The following FOXP2 variants were observed in gnomAD, a reference collection of about 807,000 sequenced individuals.
FOXP2 encodes forkhead box protein P2.
In FOXP2, 12 loss-of-function variants were observed where a neutral mutation model predicts 115.8. The ratio of observed to expected loss-of-function variants is 0.10; its 90% CI spans 0.07 to 0.17. The LOEUF is 0.17. Ranked by LOEUF, FOXP2 falls within the 10% of genes least tolerant of loss-of-function variation. FOXP2 has a pLI of 1.00. For missense variants in FOXP2, 629 were observed against 843.5 expected (o/e 0.75, Z 3.15); for synonymous variants, 328 against 297.7 (o/e 1.10, Z -1.05).
intron 1 of FOXP2, among the ~76,000 whole-genome samples, chr7:114,192,637 A>G (rs1462812895): frequency 6.6e-6 from 1 of 152,230 alleles, no homozygotes; most frequent in African/African-American, 2.4e-5. Flanking sequence ...AGCAGTGTAT[A>G]TTGCAATCAG....
chr7:114,190,919 G>A (rs1013498783), intron 1 of FOXP2, among the ~76,000 whole-genome samples: 3 of 152,122 alleles, frequency 2.0e-5, no homozygotes, highest in African/African-American at 7.2e-5. Context: ...AGTAGGTAGA[G>A]GGAGCAGGAA....
At chr7:114,284,601 G>A (rs1377066667) in intron 1 of FOXP2, among the ~76,000 whole-genome samples, 7 of 152,204 alleles carry the variant, frequency 4.6e-5, no homozygotes, top group South Asian at 2.1e-4. Flanking sequence ...ATGCTTATAC[G>A]TTGTTGGTGG....
intron 16 of FOXP2, among the ~76,000 whole-genome samples, chr7:114,685,545 A>G (rs935796563): frequency 2.6e-5 from 4 of 152,150 alleles, no homozygotes; most frequent in African/African-American, 9.7e-5. Context: ...GATTTACCCC[A>G]CAGTGTGCAA....
chr7:114,608,409 C>G (rs1056564152), intron 3 of FOXP2, among the ~76,000 whole-genome samples: 1 of 152,162 alleles, frequency 6.6e-6, no homozygotes, highest in Non-Finnish European at 1.5e-5. Flanking sequence ...TCTTCATAGG[C>G]AGTTCACAGC....
At chr7:114,310,343 T>G (rs1221039952) in intron 2 of FOXP2, among the ~76,000 whole-genome samples, 2 of 152,182 alleles carry the variant, frequency 1.3e-5, no homozygotes, top group Non-Finnish European at 2.9e-5. Context: ...AGCTGGCTCT[T>G]GAATGTACCA....
chr7:114,200,885 T>C (rs1399596311), intron 1 of FOXP2, among the ~76,000 whole-genome samples: 4 of 152,234 alleles, frequency 2.6e-5, no homozygotes, highest in African/African-American at 4.8e-5. Context: ...TCTGGCCCAT[T>C]GGCTCACGCC....
chr7:114,363,806 A>C (rs567038768), intron 2 of FOXP2, among the ~76,000 whole-genome samples: 24 of 152,072 alleles, frequency 1.6e-4, no homozygotes, highest in Admixed American at 9.2e-4. Flanking sequence ...TTTGCTGCTG[A>C]TATTTGTGTA....
chr7:114,335,177 A>G (rs1178597659), intron 2 of FOXP2, among the ~76,000 whole-genome samples: 2 of 151,486 alleles, frequency 1.3e-5, no homozygotes, highest in Non-Finnish European at 3.0e-5. Flanking sequence ...AAAGTATCAC[A>G]TGATGGCACT....
intron 3 of FOXP2, among the ~76,000 whole-genome samples, chr7:114,552,993 C>G (rs9641518): frequency 0.17 from 26,112 of 151,994 alleles, 2,690 homozygotes; most frequent in African/African-American, 0.29. Context: ...AAATAGTTCT[C>G]TCTCCCAGTC....
chr7:114,176,292 CTT>C (rs775684001), intron 1 of FOXP2, among the ~76,000 whole-genome samples: 1,542 of 46,606 alleles, frequency 0.033, 18 homozygotes, highest in Middle Eastern at 0.13. Context: ...TTCTTTCTTT[CTT>C]TCTTTCTCTC....
chr7:114,263,315 T>A (rs1250423074), intron 1 of FOXP2, among the ~76,000 whole-genome samples: 11 of 152,088 alleles, frequency 7.2e-5, no homozygotes, highest in Admixed American at 7.2e-4. Context: ...CACTCCTCTA[T>A]TATAGATTAC....
At chr7:114,159,233 G>A (rs999251164), upstream of FOXP2, among the ~76,000 whole-genome samples, 10 of 152,120 alleles carry the variant, frequency 6.6e-5, no homozygotes, top group Admixed American at 1.3e-4. Flanking sequence ...CAAACCAAAG[G>A]AAGAGTTTTG....
intron 2 of FOXP2, chr7:114,297,362 G>T: frequency 1.4e-6 from 1 of 711,852 alleles, no homozygotes; most frequent in Non-Finnish European, 2.4e-6. Context: ...GCCTGGGCTT[G>T]CTCACGTTCT....
intron 2 of FOXP2, among the ~76,000 whole-genome samples, chr7:114,363,615 C>A (rs1332535603): frequency 1.3e-5 from 2 of 151,974 alleles, no homozygotes; most frequent in African/African-American, 4.8e-5. Context: ...TAAATAAATT[C>A]TCTTTAGAGT....
At chr7:114,451,637 G>A (rs759982514) in intron 2 of FOXP2, among the ~76,000 whole-genome samples, 1 of 151,984 alleles carries the variant, frequency 6.6e-6, no homozygotes, top group African/African-American at 2.4e-5. Context: ...TGCCCGCTTT[G>A]AGCTTACAAC....
chr7:114,214,222 G>T (rs1015139511), intron 1 of FOXP2, among the ~76,000 whole-genome samples: 57 of 152,126 alleles, frequency 3.7e-4, no homozygotes, highest in African/African-American at 1.4e-3. Flanking sequence ...GGCACAGAGA[G>T]ATTAGATGAC....
intron 3 of FOXP2, among the ~76,000 whole-genome samples, chr7:114,587,511 A>G (rs758080815): frequency 6.6e-6 from 1 of 152,038 alleles, no homozygotes; most frequent in Non-Finnish European, 1.5e-5. Flanking sequence ...TCTATCATTG[A>G]TGGGCATTTG....
chr7:114,133,978 C>T (rs141665069), intron 1 of FOXP2, among the ~76,000 whole-genome samples: 324 of 152,076 alleles, frequency 2.1e-3, no homozygotes, highest in African/African-American at 7.1e-3. Flanking sequence ...TCTTTAATAG[C>T]AACACAAAAC....
chr7:114,332,103 G>A (rs1457863455), intron 2 of FOXP2, among the ~76,000 whole-genome samples: 1 of 151,788 alleles, frequency 6.6e-6, no homozygotes, highest in Non-Finnish European at 1.5e-5. Flanking sequence ...TCTGTGTGTG[G>A]GCATATGAAC....
Sources: allele counts gnomAD v4.1 joint callset (sites outside exome capture counted in the v4.1 genomes callset), GRCh38; gene constraint gnomAD v4.1.1; transcripts MANE v1.5; gene names NCBI Gene and HGNC (gene_info 2026-07-23, HGNC 2026-07-21).